The following GSG1L variants were observed in gnomAD, a reference collection of about 807,000 sequenced individuals.
GSG1L encodes the protein germ cell-specific gene 1-like protein.
In GSG1L, 24 loss-of-function variants were observed where a neutral mutation model predicts 42.1. The ratio of observed to expected loss-of-function variants is 0.57; its 90% CI spans 0.41 to 0.80. The LOEUF is 0.80. Among genes scored for constraint, GSG1L ranks in the 30% least tolerant of loss-of-function variants. The pLI, the probability that GSG1L is intolerant of heterozygous loss-of-function variation, is 0.00. For synonymous variants in GSG1L, 215 were observed against 203.5 expected (o/e 1.06, Z -0.48); for missense variants, 445 against 472.2 (o/e 0.94, Z 0.53).
intron 1 of GSG1L, among the ~76,000 whole-genome samples, chr16:27,995,892 A>ACACG (rs1025328095): frequency 2.7e-5 from 4 of 150,124 alleles, no homozygotes; most frequent in African/African-American, 9.9e-5. Context: ...AAACACACAC[A>ACACG]CACACACACA....
intron 3 of GSG1L, among the ~76,000 whole-genome samples, chr16:27,880,140 G>A (rs1431787631): frequency 6.6e-6 from 1 of 152,154 alleles, no homozygotes; most frequent in East Asian, 1.9e-4. Context: ...CAGAGCAGAA[G>A]CCCTCTCCAC....
At position 27,851,228 on chromosome 16, in the gene GSG1L, G is replaced by A. The variant is rs190428175; in HGVS notation, c.551-6167C>T. On this transcript the variant is annotated intron_variant, in intron 3 of 6. Coordinates refer to ENST00000447459, the MANE Select transcript of GSG1L (RefSeq NM_001109763.2). ...TTTTTGTTTTTTAAGACAGGGTCTC[G>A]CTCTGTTGCCCGGGCTGGAGTGTAG... 7.2e-5 allele frequency among the ~76,000 whole-genome samples: 11 copies of A among 152,208 alleles called. No homozygotes were observed. In the East Asian group the frequency reaches 9.7e-4, roughly 13 times the overall value.
At chr16:27,983,137 C>A (rs2085342957) in intron 1 of GSG1L, among the ~76,000 whole-genome samples, 1 of 152,106 alleles carries the variant, frequency 6.6e-6, no homozygotes, top group Admixed American at 6.6e-5. Flanking sequence ...GAGTTTCAGA[C>A]CAGCTGGGAC....
At chr16:27,925,585 T>C (rs960374357) in intron 2 of GSG1L, among the ~76,000 whole-genome samples, 5 of 152,004 alleles carry the variant, frequency 3.3e-5, no homozygotes, top group African/African-American at 1.2e-4. Flanking sequence ...AAAAGATGCA[T>C]AGCAGGAGAG....
At chr16:27,949,080 G>A (rs1408541567) in intron 2 of GSG1L, among the ~76,000 whole-genome samples, 1 of 151,762 alleles carries the variant, frequency 6.6e-6, no homozygotes, top group East Asian at 1.9e-4. Context: ...ACCATGCGCA[G>A]CTAATTTTTT....
intron 5 of GSG1L, among the ~76,000 whole-genome samples, chr16:27,811,552 T>A (rs143008237): frequency 2.6e-5 from 4 of 152,344 alleles, no homozygotes; most frequent in South Asian, 2.1e-4. Context: ...GCCTGTCCTA[T>A]TGCATAAAGG....
chr16:27,934,597 A>G (rs1002089863), intron 2 of GSG1L, among the ~76,000 whole-genome samples: 29 of 151,732 alleles, frequency 1.9e-4, no homozygotes, highest in Admixed American at 6.5e-4. Flanking sequence ...TTTCCAAGGA[A>G]AGGAGAATAC....
intron 2 of GSG1L, among the ~76,000 whole-genome samples, chr16:27,930,618 G>GT (rs1399539923): frequency 6.6e-6 from 1 of 152,232 alleles, no homozygotes; most frequent in African/African-American, 2.4e-5. Flanking sequence ...AAGCAGTCAG[G>GT]TAAGTCCAAT....
chr16:27,831,756 C>T (rs76100550), intron 4 of GSG1L, among the ~76,000 whole-genome samples: 2,173 of 152,310 alleles, frequency 0.014, 51 homozygotes, highest in African/African-American at 0.051. Context: ...CCTACATCCC[C>T]GCCTTTCCAT....
rs773407925 is a variant in GSG1L, at chr16:27,947,540, GGAAAGAAAGAAAGAAA to G, written c.397+15600_397+15615del. On this transcript the variant is annotated intron_variant, in intron 2 of 6. Transcript: ENST00000447459. ...GAAAGAAAAAGAAAGAAAGAATGAA[GGAAAGAAAGAAAGAAA>G]GAAAGAAAGAAAGAAAGAAAGAAAG... Among the ~76,000 whole-genome samples the G allele has an allele frequency of 2.2e-3, 217 of 97,146 alleles. 2 individuals carry two copies. The highest frequency in any genetic ancestry group is 0.011 in the East Asian group (36 of 3,198). 63.7% of individuals were successfully genotyped at this position (97,146 alleles called of 152,430 possible).
chr16:27,961,831 G>A (rs774692964), intron 2 of GSG1L, among the ~76,000 whole-genome samples: 1 of 152,200 alleles, frequency 6.6e-6, no homozygotes, highest in Non-Finnish European at 1.5e-5. Context: ...AGGCTGCTGG[G>A]GGGTAGGGAG....
At chr16:27,840,032 CTTTT>C (rs11329489) in intron 4 of GSG1L, among the ~76,000 whole-genome samples, 3 of 129,752 alleles carry the variant, frequency 2.3e-5, no homozygotes, top group Non-Finnish European at 3.3e-5. Flanking sequence ...TAACCTTAAT[CTTTT>C]TTTTTTTTTT....
intron 3 of GSG1L, among the ~76,000 whole-genome samples, chr16:27,848,526 C>T (rs971524254): frequency 6.6e-6 from 1 of 152,152 alleles, no homozygotes; most frequent in Non-Finnish European, 1.5e-5. Flanking sequence ...TTTCACATGC[C>T]AGACACTATT....
chr16:28,056,300 G>T (rs2086278940), intron 1 of GSG1L, among the ~76,000 whole-genome samples: 1 of 152,084 alleles, frequency 6.6e-6, no homozygotes, highest in Non-Finnish European at 1.5e-5. Flanking sequence ...ATAAAAAAAT[G>T]ATGAGTTCAT....
chr16:28,042,718 A>G (rs939810060), intron 1 of GSG1L, among the ~76,000 whole-genome samples: 3 of 152,240 alleles, frequency 2.0e-5, no homozygotes, highest in African/African-American at 7.2e-5. Flanking sequence ...GGATATACTC[A>G]AGGTAGACAA....
chr16:28,024,975 G>A (rs56164820), intron 1 of GSG1L, among the ~76,000 whole-genome samples: 158 of 152,328 alleles, frequency 1.0e-3, no homozygotes, highest in African/African-American at 3.8e-3. Flanking sequence ...ATAAATGGGA[G>A]TGTTACCATC....
At chr16:27,947,344 AAAG>A (rs1302944437) in intron 2 of GSG1L, among the ~76,000 whole-genome samples, 5 of 150,894 alleles carry the variant, frequency 3.3e-5, no homozygotes, top group Non-Finnish European at 2.9e-5. Context: ...AAAGGAGAAG[AAAG>A]AAGAAGAAGG....
intron 1 of GSG1L, among the ~76,000 whole-genome samples, chr16:27,999,427 G>A (rs1240584887): frequency 1.3e-5 from 2 of 152,172 alleles, no homozygotes; most frequent in Non-Finnish European, 2.9e-5. Context: ...CTGATGGAAA[G>A]AATGACCAAA....
chr16:28,004,042 C>T (rs2085609105), intron 1 of GSG1L, among the ~76,000 whole-genome samples: 2 of 152,240 alleles, frequency 1.3e-5, no homozygotes, highest in Admixed American at 1.3e-4. Flanking sequence ...GCCAGGCCTG[C>T]TGGGGCTGCT....
Sources: gnomAD v4.1 joint callset for allele counts (sites outside exome capture counted in the v4.1 genomes callset) on GRCh38, gnomAD v4.1.1 for gene constraint, MANE v1.5 for transcripts, NCBI Gene and HGNC (gene_info 2026-07-23, HGNC 2026-07-21) for gene names.